RBFOX1: variants seen among roughly 807,000 people sequenced by gnomAD.
RBFOX1 encodes the protein RNA binding fox-1 homolog 1, also known as RNA binding protein fox-1 homolog 1.
RBFOX1 carries 8 observed loss-of-function variants against 57.7 expected under a neutral mutation model. The ratio of observed to expected loss-of-function variants is 0.14; its 90% CI spans 0.08 to 0.25. The LOEUF (loss-of-function observed/expected upper bound fraction) is 0.25, where lower values mean the gene tolerates loss of function less well. Among genes scored for constraint, RBFOX1 ranks in the 10% least tolerant of loss-of-function variants. The pLI is 1.00. For missense variants in RBFOX1, 611 were observed against 548.5 expected (o/e 1.11, Z -1.14); for synonymous variants, 326 against 222.4 (o/e 1.47, Z -4.15).
intron 3 of RBFOX1, among the ~76,000 whole-genome samples, chr16:6,963,774 C>CT (rs745433235): frequency 3.5e-4 from 53 of 152,036 alleles, no homozygotes; most frequent in Non-Finnish European, 1.2e-4. Context: ...TCTCGGCTCA[C>CT]TGCAAGCTCC....
chr16:6,737,097 A>C (rs574258281), intron 3 of RBFOX1, among the ~76,000 whole-genome samples: 1 of 152,202 alleles, frequency 6.6e-6, no homozygotes, highest in East Asian at 1.9e-4. Flanking sequence ...ATCAGTTCTG[A>C]GTAAGATAGT....
rs570241489 is a variant in RBFOX1, at chr16:6,992,365, C to T, written c.-15-59692C>T. On this transcript the variant is annotated intron_variant, in intron 3 of 15. Transcript: ENST00000550418. Reference sequence around the variant, plus strand: ...TCCCAGTAGCTGGGACTACAGGTACCCACCACCATGCCCAGCTAATTTTTG... The same window carrying T: ...TCCCAGTAGCTGGGACTACAGGTACTCACCACCATGCCCAGCTAATTTTTG... Among the ~76,000 whole-genome samples the T allele has an allele frequency of 3.0e-3, 452 of 152,010 alleles. 3 individuals carry two copies. The highest frequency in any genetic ancestry group is 0.01 in the African/African-American group (435 of 41,464).
intron 2 of RBFOX1, among the ~76,000 whole-genome samples, chr16:5,547,790 C>G (rs1274452877): frequency 1.3e-5 from 2 of 152,110 alleles, no homozygotes; most frequent in Admixed American, 1.3e-4. Flanking sequence ...CGAATTAATG[C>G]AGGAACAGAA....
Position 7,052,071 on chromosome 16 carries a change from G to A in RBFOX1, c.-1G>A. On this transcript the variant is annotated 5_prime_UTR_variant, in exon 4 of 16. Coordinates refer to ENST00000550418, the MANE Select transcript of RBFOX1 (RefSeq NM_018723.4). ...TTTCTTTCTAGGTTTCAAGACAACA[G>A]ATGAATTGTGAAAGAGAGCAGCTAA... is the stretch of plus-strand genomic sequence containing the variant. 1 of 1,612,406 alleles carries A rather than the reference G, an allele frequency of 6.2e-7. No individual in the cohort carries two copies. Among genetic ancestry groups the A allele is most frequent in the Non-Finnish European group, 8.5e-7 (1 of 1,179,468 alleles).
intron 5 of RBFOX1, among the ~76,000 whole-genome samples, chr16:7,572,066 G>A (rs2092834681): frequency 6.6e-6 from 1 of 152,152 alleles, no homozygotes; most frequent in Non-Finnish European, 1.5e-5. Flanking sequence ...GACGGAGGTT[G>A]CAGTGAACCA....
chr16:7,457,809 A>C (rs2058816593), intron 4 of RBFOX1, among the ~76,000 whole-genome samples: 1 of 150,742 alleles, frequency 6.6e-6, no homozygotes, highest in Non-Finnish European at 1.5e-5. Context: ...CAAGCAGCCA[A>C]AGTTGTCTTA....
At chr16:7,112,753 A>G (rs371198591) in intron 4 of RBFOX1, among the ~76,000 whole-genome samples, 5 of 151,184 alleles carry the variant, frequency 3.3e-5, no homozygotes, top group South Asian at 4.2e-4. Context: ...TTGATTCACA[A>G]GACTCAGGTT....
intron 4 of RBFOX1, among the ~76,000 whole-genome samples, chr16:7,192,644 C>A (rs1004654900): frequency 6.6e-6 from 1 of 152,112 alleles, no homozygotes; most frequent in East Asian, 1.9e-4. Context: ...CAGTTTAGAT[C>A]ATAGTATTGT....
intron 3 of RBFOX1, among the ~76,000 whole-genome samples, chr16:7,003,259 G>A (rs2092993962): frequency 6.6e-6 from 1 of 152,026 alleles, no homozygotes; most frequent in Non-Finnish European, 1.5e-5. Context: ...AGCAGATCAA[G>A]ACCATCCTGG....
intron 1 of RBFOX1, among the ~76,000 whole-genome samples, chr16:5,405,609 A>C (rs1596892410): frequency 6.6e-6 from 1 of 152,324 alleles, no homozygotes; most frequent in Admixed American, 6.5e-5. Flanking sequence ...GATGCTAAAA[A>C]CAAATGTGAA....
At position 6,857,821 on chromosome 16, in the gene RBFOX1, A is replaced by T. The variant is rs2058185168; in HGVS notation, c.-15-194236A>T. Among the ~76,000 whole-genome samples, 2 of 152,170 alleles carry T rather than the reference A, an allele frequency of 1.3e-5. 1 individual carries two copies. The highest frequency in any genetic ancestry group is 4.1e-4 in the South Asian group (2 of 4,830). On this transcript the variant is annotated intron_variant, in intron 3 of 15. Coordinates refer to ENST00000550418, the MANE Select transcript of RBFOX1 (RefSeq NM_018723.4). ...TAGCCCAAGCAGTGCCTGTTTTGGT[A>T]ATTAATTATAGTGTGTTTGTAGCTC...
chr16:6,344,772 C>A (rs1362359202), intron 2 of RBFOX1, among the ~76,000 whole-genome samples: 2 of 140,882 alleles, frequency 1.4e-5, no homozygotes, highest in Non-Finnish European at 3.0e-5. Context: ...CTTACTGCAA[C>A]CTCCACCACC....
At chr16:5,504,159 T>G (rs2043297215) in intron 2 of RBFOX1, among the ~76,000 whole-genome samples, 2 of 152,314 alleles carry the variant, frequency 1.3e-5, no homozygotes, top group Middle Eastern at 3.4e-3. Context: ...TCAGGATTAC[T>G]CATTTCAAAC....
chr16:5,312,267 C>A (rs2064112187), intron 1 of RBFOX1, among the ~76,000 whole-genome samples: 1 of 152,212 alleles, frequency 6.6e-6, no homozygotes, highest in South Asian at 2.1e-4. Flanking sequence ...TCCTCCAGGG[C>A]TGTTGAAACT....
chr16:6,999,089 G>C (rs1010118587), intron 3 of RBFOX1, among the ~76,000 whole-genome samples: 1 of 150,524 alleles, frequency 6.6e-6, no homozygotes, highest in Admixed American at 6.6e-5. Context: ...AGTTGGTCTT[G>C]AACTCCTGAC....
At chr16:5,501,575 C>T (rs542233188) in intron 2 of RBFOX1, among the ~76,000 whole-genome samples, 6 of 152,212 alleles carry the variant, frequency 3.9e-5, no homozygotes, top group African/African-American at 1.4e-4. Context: ...CTTGCAGTCT[C>T]GTTTTTCCCC....
intron 1 of RBFOX1, among the ~76,000 whole-genome samples, chr16:5,464,411 T>C (rs1372529793): frequency 6.6e-6 from 1 of 152,154 alleles, no homozygotes; most frequent in Non-Finnish European, 1.5e-5. Flanking sequence ...TAGGAAAAGA[T>C]GTCAGAGAGG....
chr16:7,135,424 A>G (rs1312020422), intron 4 of RBFOX1, among the ~76,000 whole-genome samples: 1 of 152,268 alleles, frequency 6.6e-6, no homozygotes, highest in Non-Finnish European at 1.5e-5. Flanking sequence ...ATGACTTTGC[A>G]TCTTCGATGA....
chr16:5,629,486 A>G (rs1035961403), intron 3 of RBFOX1, among the ~76,000 whole-genome samples: 2 of 152,232 alleles, frequency 1.3e-5, no homozygotes, highest in African/African-American at 4.8e-5. Flanking sequence ...GCCACTGCCC[A>G]AAGAGGGCTT....
Sources: allele counts gnomAD v4.1 joint callset (sites outside exome capture counted in the v4.1 genomes callset), GRCh38; gene constraint gnomAD v4.1.1; transcripts MANE v1.5; gene names NCBI Gene and HGNC (gene_info 2026-07-23, HGNC 2026-07-21).